AMPH: variants seen among roughly 807,000 people sequenced by gnomAD.
The protein encoded by AMPH is amphiphysin (Stiff-Mann syndrome with breast cancer 128kD autoantigen).
In AMPH, 49 loss-of-function variants were observed where a neutral mutation model predicts 99.1. That is an observed-to-expected ratio of 0.49 (90% confidence interval 0.39 to 0.63). The LOEUF (loss-of-function observed/expected upper bound fraction) is 0.63. Among genes scored for constraint, AMPH ranks in the 20% least tolerant of loss-of-function variants. AMPH has a pLI of 0.00. For missense variants in AMPH, 759 were observed against 863.4 expected (o/e 0.88, Z 1.52); for synonymous variants, 314 against 317.3 (o/e 0.99, Z 0.11).
chr7:38,409,657 C>T (rs1282753857), intron 17 of AMPH, among the ~76,000 whole-genome samples: 3 of 152,178 alleles, frequency 2.0e-5, no homozygotes, highest in Non-Finnish European at 4.4e-5. Flanking sequence ...TCAATCTGCT[C>T]TCCTGGTATT....
At chr7:38,570,812 C>T (rs1377703221) in intron 1 of AMPH, among the ~76,000 whole-genome samples, 4 of 147,404 alleles carry the variant, frequency 2.7e-5, no homozygotes, top group African/African-American at 5.0e-5. Flanking sequence ...ATGTTAGTGC[C>T]CTGAAAACCT....
chr7:38,533,901 G>C (rs1175659063), intron 2 of AMPH, among the ~76,000 whole-genome samples: 1 of 152,022 alleles, frequency 6.6e-6, no homozygotes, highest in East Asian at 1.9e-4. Flanking sequence ...GCCCTTACGT[G>C]TGTTACCTAA....
At chr7:38,579,098 T>A (rs1026343828) in intron 1 of AMPH, among the ~76,000 whole-genome samples, 8 of 151,930 alleles carry the variant, frequency 5.3e-5, no homozygotes, top group Non-Finnish European at 1.5e-5. Context: ...GCCCCAGGAG[T>A]CCCTAGACCA....
intron 2 of AMPH, among the ~76,000 whole-genome samples, chr7:38,527,717 T>C (rs1305313907): frequency 3.3e-5 from 5 of 152,220 alleles, no homozygotes; most frequent in Non-Finnish European, 7.4e-5. Context: ...TTATGAGCTA[T>C]ACGCCTTTTG....
chr7:38,609,026 G>A (rs1397030151), intron 1 of AMPH, among the ~76,000 whole-genome samples: 1 of 152,170 alleles, frequency 6.6e-6, no homozygotes, highest in Admixed American at 6.5e-5. Flanking sequence ...CAAAGCTTTG[G>A]TAAAAGCCCA....
At chr7:38,406,896 C>A (rs1365176238) in intron 17 of AMPH, among the ~76,000 whole-genome samples, 1 of 149,282 alleles carries the variant, frequency 6.7e-6, no homozygotes, top group Non-Finnish European at 1.5e-5. Flanking sequence ...TGTCAGCTTC[C>A]CTGGTTTGAA....
At chr7:38,455,999 AC>A (rs1163427142) in intron 11 of AMPH, among the ~76,000 whole-genome samples, 1 of 152,156 alleles carries the variant, frequency 6.6e-6, no homozygotes, top group Non-Finnish European at 1.5e-5. Flanking sequence ...ACCCACAGCT[AC>A]CTGCCTATAC....
chr7:38,408,776 C>G (rs1451587565), intron 17 of AMPH, among the ~76,000 whole-genome samples: 1 of 150,532 alleles, frequency 6.6e-6, no homozygotes, highest in Admixed American at 6.6e-5. Flanking sequence ...AAAAGAATTT[C>G]TCTACATTAC....
chr7:38,445,257 T>C (rs1408965556), intron 11 of AMPH, among the ~76,000 whole-genome samples: 1 of 151,834 alleles, frequency 6.6e-6, no homozygotes, highest in East Asian at 1.9e-4. Context: ...TTGTACCACA[T>C]AAAAAAATTA....
chr7:38,428,879 A>T, intron 14 of AMPH: 2 of 645,872 alleles, frequency 3.1e-6, no homozygotes, highest in Non-Finnish European at 2.5e-6. Context: ...TACTTTCCTT[A>T]TACCCTGCTC....
chr7:38,584,269 A>G (rs896872906), intron 1 of AMPH, among the ~76,000 whole-genome samples: 1 of 152,164 alleles, frequency 6.6e-6, no homozygotes, highest in African/African-American at 2.4e-5. Context: ...GGGGATAACA[A>G]GCTATTCCAG....
At chr7:38,547,783 G>A (rs1207156372) in intron 1 of AMPH, among the ~76,000 whole-genome samples, 2 of 152,176 alleles carry the variant, frequency 1.3e-5, no homozygotes, top group East Asian at 1.9e-4. Flanking sequence ...ACAACTTGAG[G>A]TGGAGAAGAG....
chr7:38,512,748 C>T (rs553981602), intron 2 of AMPH, among the ~76,000 whole-genome samples: 13 of 152,132 alleles, frequency 8.5e-5, no homozygotes, highest in African/African-American at 2.4e-4. Context: ...TTTTTAGTTC[C>T]GCTTAAATTA....
intron 1 of AMPH, among the ~76,000 whole-genome samples, chr7:38,571,479 A>AAT (rs541724243): frequency 7.5e-6 from 1 of 133,670 alleles, no homozygotes; most frequent in Admixed American, 8.3e-5. Context: ...TATTCTATAA[A>AAT]ATATATATTC....
intron 1 of AMPH, among the ~76,000 whole-genome samples, chr7:38,553,181 C>T (rs1014842122): frequency 6.6e-6 from 1 of 152,236 alleles, no homozygotes; most frequent in African/African-American, 2.4e-5. Flanking sequence ...CTCTCCTTGC[C>T]TCTTCCGGCC....
intron 1 of AMPH, among the ~76,000 whole-genome samples, chr7:38,570,072 G>A (rs1043095912): frequency 3.9e-5 from 6 of 152,130 alleles, no homozygotes; most frequent in South Asian, 2.1e-4. Flanking sequence ...CAACCTGCCC[G>A]GAAGTTGCCT....
At chr7:38,598,289 GTTGT>G (rs1554372531) in intron 1 of AMPH, among the ~76,000 whole-genome samples, 1 of 151,918 alleles carries the variant, frequency 6.6e-6, no homozygotes, top group African/African-American at 2.4e-5. Context: ...TGTTGTTGTT[GTTGT>G]TTGTTTTTAA....
At chr7:38,493,726 T>C (rs1788814999) in intron 4 of AMPH, among the ~76,000 whole-genome samples, 1 of 152,110 alleles carries the variant, frequency 6.6e-6, no homozygotes, top group Non-Finnish European at 1.5e-5. Context: ...GGTATTAAAG[T>C]GGAATGGATG....
intron 1 of AMPH, among the ~76,000 whole-genome samples, chr7:38,577,241 C>A (rs1318970859): frequency 1.3e-5 from 2 of 152,176 alleles, no homozygotes; most frequent in African/African-American, 2.4e-5. Context: ...CAAATGTACA[C>A]CTGTGGCCAG....
Sources: allele counts gnomAD v4.1 joint callset (sites outside exome capture counted in the v4.1 genomes callset), GRCh38; gene constraint gnomAD v4.1.1; transcripts MANE v1.5; gene names NCBI Gene and HGNC (gene_info 2026-07-23, HGNC 2026-07-21).